ISX: variants seen among roughly 807,000 people sequenced by gnomAD.
ISX encodes intestine-specific homeobox.
Under a neutral mutation model 16.9 loss-of-function variants are expected in ISX, and 15 were observed. The observed-to-expected ratio is 0.89, with a 90% CI of 0.59 to 1.36. The LOEUF is 1.36. ISX is among the 40% of genes most tolerant of loss of function. The pLI, the probability that ISX is intolerant of heterozygous loss-of-function variation, is 0.00. For missense variants in ISX, 316 were observed against 306.1 expected (o/e 1.03, Z -0.24); for synonymous variants, 125 against 119.7 (o/e 1.04, Z -0.29).
At position 35,085,345 on chromosome 22, in the gene ISX, G is replaced by A; in HGVS notation, c.499-109G>A. On this transcript the variant is annotated intron_variant, in intron 4 of 4. Coordinates refer to ENST00000404699, the MANE Select transcript of ISX (RefSeq NM_001303508.2). ...GAAGGTCCTGAGCAAACCAGAACAA[G>A]TGGATCACACTACCCACTCTTAGCT... 3.0e-6 allele frequency: 4 copies of A among 1,349,396 alleles called. No individual in the cohort carries two copies. In the South Asian group the frequency reaches 5.1e-5, roughly 17 times the overall value. The allele number at this position is 1,349,396 out of a possible 1,614,324, so 83.6% of individuals were successfully genotyped here.
intron 2 of ISX, among the ~76,000 whole-genome samples, chr22:35,081,419 T>A (rs1432212027): frequency 6.6e-6 from 1 of 152,222 alleles, no homozygotes; most frequent in Non-Finnish European, 1.5e-5. Flanking sequence ...TGGGATTGAA[T>A]GCATATTGTC....
intron 4 of ISX, among the ~76,000 whole-genome samples, chr22:35,084,958 G>C (rs1171046140): frequency 6.6e-6 from 1 of 152,074 alleles, no homozygotes; most frequent in East Asian, 1.9e-4. Flanking sequence ...TTAGCACCTA[G>C]GAAGTGCTCC....
rs1181761693 is a variant in ISX at position 35,067,261 on chromosome 22, A to G, written c.174A>G (p.Gly58=). Reference sequence around the variant, plus strand: ...AAGGGCCAGGTGAAGAGGGCCCCGGAGAAGCTGCGGCCTCAGGCTCTGGGC... The same window carrying G: ...AAGGGCCAGGTGAAGAGGGCCCCGGGGAAGCTGCGGCCTCAGGCTCTGGGC... ...RPEGPGEEGP[G]EAAASGSGLE... Residue 58 remains glycine, a synonymous_variant, in exon 2 of 5, where the codon GGA becomes GGG. Coordinates refer to ENST00000404699, the MANE Select transcript of ISX (RefSeq NM_001303508.2). 5 of 1,600,610 alleles carry G rather than the reference A, an allele frequency of 3.1e-6. No individual in the cohort carries two copies. Among genetic ancestry groups the G allele is most frequent in the Non-Finnish European group, 4.3e-6 (5 of 1,173,634 alleles).
rs77984721 is a variant in ISX at position 35,066,992 on chromosome 22, C to T, written c.-96C>T. The T allele has an allele frequency of 0.019, 15,579 of 819,210 alleles. 1,326 individuals are homozygous for T. The East Asian group carries it at 0.23, about 12-fold the overall frequency. The allele number at this position is 819,210 out of a possible 1,614,324, so 50.7% of individuals were successfully genotyped here. On this transcript the variant is annotated 5_prime_UTR_variant, in exon 2 of 5. The change creates a new upstream start codon in the 5' untranslated region. Coordinates refer to ENST00000404699, the MANE Select transcript of ISX (RefSeq NM_001303508.2). ...GGAGGCTCTCTGTTCTTCACCTCCA[C>T]GCGCCCTCTTGACCCCAGGAGGTTC... is the stretch of plus-strand genomic sequence containing the variant.
chr22:35,072,283 G>A (rs1024580310), intron 2 of ISX, among the ~76,000 whole-genome samples: 4 of 152,142 alleles, frequency 2.6e-5, no homozygotes, highest in East Asian at 1.9e-4. Context: ...AAAAGAGCAC[G>A]GTATTAGTGT....
Position 35,085,765 on chromosome 22 carries a change from GCCTCT to G in ISX, c.*73_*77del. ...AAGGCAGGTAGCAGATGTGCCCTGG[GCCTCT>G]GGGGAAATCGATTTCACAATCCAAA... On this transcript the variant is annotated 3_prime_UTR_variant, in exon 5 of 5. Coordinates refer to ENST00000404699, the MANE Select transcript of ISX (RefSeq NM_001303508.2). 2 of 1,593,734 alleles carry G rather than the reference GCCTCT, an allele frequency of 1.3e-6. No homozygotes were observed. The highest frequency in any genetic ancestry group is 2.2e-5 in the South Asian group (2 of 89,430).
chr22:35,084,527 T>C, intron 4 of ISX, 28 bp downstream of exon 4: 1 of 1,459,948 alleles, frequency 6.8e-7, no homozygotes, highest in Non-Finnish European at 9.6e-7. Flanking sequence ...CAAGGTAGGG[T>C]GGAGGGAGCC....
chr22:35,078,648 A>T (rs1254479028), intron 2 of ISX, among the ~76,000 whole-genome samples: 1 of 51,824 alleles, frequency 1.9e-5, no homozygotes, highest in Non-Finnish European at 5.9e-5. Flanking sequence ...AATCCACAAT[A>T]GTGAGCGAAA....
At chr22:35,079,473 C>T (rs1389776474) in intron 2 of ISX, among the ~76,000 whole-genome samples, 1 of 152,186 alleles carries the variant, frequency 6.6e-6, no homozygotes, top group African/African-American at 2.4e-5. Context: ...GCCAGTTCCT[C>T]AGCTGGTCTC....
At chr22:35,071,217 T>C (rs567495397) in intron 2 of ISX, among the ~76,000 whole-genome samples, 1 of 152,316 alleles carries the variant, frequency 6.6e-6, no homozygotes, top group East Asian at 1.9e-4. Flanking sequence ...GTCTTTGCCA[T>C]TTAGAAACCA....
At chr22:35,084,053 G>A (rs12169293) in intron 3 of ISX, among the ~76,000 whole-genome samples, 12,515 of 152,288 alleles carry the variant, frequency 0.082, 618 homozygotes, top group Middle Eastern at 0.15. Context: ...CTGCAACACC[G>A]GACTCACATT....
At chr22:35,067,954 T>C (rs1928747860) in intron 2 of ISX, among the ~76,000 whole-genome samples, 1 of 152,194 alleles carries the variant, frequency 6.6e-6, no homozygotes, top group Non-Finnish European at 1.5e-5. Context: ...ACCAGGTAGA[T>C]CGAGAGCTGG....
chr22:35,083,838 A>G (rs188171153), intron 3 of ISX, among the ~76,000 whole-genome samples: 14 of 152,362 alleles, frequency 9.2e-5, no homozygotes, highest in African/African-American at 2.9e-4. Context: ...ATTACCAAGG[A>G]TAAATGGCCA....
chr22:35,071,624 G>A (rs1209231366), intron 2 of ISX, among the ~76,000 whole-genome samples: 1 of 152,152 alleles, frequency 6.6e-6, no homozygotes, highest in Admixed American at 6.5e-5. Context: ...TATGCCCAGA[G>A]CCTTAATTAT....
At chr22:35,074,720 T>C (rs566366193) in intron 2 of ISX, among the ~76,000 whole-genome samples, 38 of 152,326 alleles carry the variant, frequency 2.5e-4, no homozygotes, top group African/African-American at 8.9e-4. Flanking sequence ...GATTTCCCCA[T>C]TGAACAGGAA....
At chr22:35,077,808 T>A (rs1467222050) in intron 2 of ISX, among the ~76,000 whole-genome samples, 1 of 152,154 alleles carries the variant, frequency 6.6e-6, no homozygotes, top group Non-Finnish European at 1.5e-5. Context: ...TCACCCCACC[T>A]CTAAATTACC....
rs551150536 is a variant in ISX, at chr22:35,080,990, A to G, written c.230-1528A>G. Reference sequence around the variant, plus strand: ...GGACCGAGCCTTCAGCTTTTCTGCAACGCACTGCCTAGTGTTGTGCCTGGC... The same window carrying G: ...GGACCGAGCCTTCAGCTTTTCTGCAGCGCACTGCCTAGTGTTGTGCCTGGC... On this transcript the variant is annotated intron_variant, in intron 2 of 4. Transcript: ENST00000404699. Among the ~76,000 whole-genome samples the G allele has an allele frequency of 8.6e-4, 131 of 152,376 alleles. 1 individual carries two copies. Among genetic ancestry groups the G allele is most frequent in the Non-Finnish European group, 2.1e-4 (14 of 68,040 alleles).
intron 3 of ISX, among the ~76,000 whole-genome samples, chr22:35,082,938 C>G (rs765856948): frequency 6.6e-6 from 1 of 152,158 alleles, no homozygotes; most frequent in Non-Finnish European, 1.5e-5. Context: ...CCCCGCTTGG[C>G]GACAGTTCCC....
In ISX at chr22:35,086,007, G is replaced by A; in HGVS notation, c.*314G>A. The A allele has an allele frequency of 2.5e-6, 1 of 405,044 alleles. No individual in the cohort carries two copies. The highest frequency in any genetic ancestry group is 4.6e-6 in the Non-Finnish European group (1 of 215,790). 25.1% of individuals were successfully genotyped at this position (405,044 alleles called of 1,614,324 possible). A position where few individuals can be genotyped will look rare whatever the true frequency, so the allele number is the denominator to read the frequency against. On this transcript the variant is annotated 3_prime_UTR_variant, in exon 5 of 5. Coordinates refer to ENST00000404699, the MANE Select transcript of ISX (RefSeq NM_001303508.2). ...CTGTGTTTCCTCTAACTTGCTGTGT[G>A]ACCTCCAGCCGGTCACTCACCCTCT...
Sources: gnomAD v4.1 joint callset for allele counts (sites outside exome capture counted in the v4.1 genomes callset) on GRCh38, gnomAD v4.1.1 for gene constraint, MANE v1.5 for transcripts, NCBI Gene and HGNC (gene_info 2026-07-23, HGNC 2026-07-21) for gene names.